Variants in MARCHF1 observed in about 807,000 individuals in gnomAD.
MARCHF1 encodes membrane associated ring-CH-type finger 1.
In MARCHF1, 40 loss-of-function variants were observed where a neutral mutation model predicts 54.2. The observed-to-expected ratio is 0.74, with a 90% CI of 0.57 to 0.96. The LOEUF (loss-of-function observed/expected upper bound fraction) is 0.96. MARCHF1 is among the 40% of genes least tolerant of loss of function. MARCHF1 has a pLI of 0.00. For missense variants in MARCHF1, 586 were observed against 656.5 expected, an observed-to-expected ratio of 0.89 and a Z score of 1.17; for synonymous variants, 236 against 236.3, an observed-to-expected ratio of 1.00 and a Z score of 0.01.
chr4:164,082,477 A>C (rs1755121377), intron 2 of MARCHF1, among the ~76,000 whole-genome samples: 1 of 152,232 alleles, frequency 6.6e-6, no homozygotes, highest in East Asian at 1.9e-4. Flanking sequence ...CTAGTTTACA[A>C]TTTAGAAGAT....
At chr4:163,755,621 C>T (rs1284872907) in intron 4 of MARCHF1, among the ~76,000 whole-genome samples, 2 of 144,484 alleles carry the variant, frequency 1.4e-5, no homozygotes, top group African/African-American at 2.6e-5. Flanking sequence ...GCAAAGATCC[C>T]TTTTTTTTTT....
intron 2 of MARCHF1, among the ~76,000 whole-genome samples, chr4:164,035,633 C>CCA (rs1753976521): frequency 6.9e-6 from 1 of 144,220 alleles, no homozygotes; most frequent in Non-Finnish European, 1.5e-5. Flanking sequence ...ATAAAGAATA[C>CCA]AAAAAAAAAA....
intron 2 of MARCHF1, among the ~76,000 whole-genome samples, chr4:164,003,877 G>A (rs1486541207): frequency 6.6e-6 from 1 of 152,056 alleles, no homozygotes; most frequent in Non-Finnish European, 1.5e-5. Flanking sequence ...CAAAAACATG[G>A]AATCAACCCA....
At chr4:164,248,224 G>T (rs1371080976) in intron 1 of MARCHF1, among the ~76,000 whole-genome samples, 2 of 151,912 alleles carry the variant, frequency 1.3e-5, no homozygotes, top group Non-Finnish European at 2.9e-5. Context: ...TTCTCGAGCT[G>T]GTTATGTGGT....
At chr4:163,902,435 C>T (rs186569895) in intron 3 of MARCHF1, among the ~76,000 whole-genome samples, 16 of 152,278 alleles carry the variant, frequency 1.1e-4, no homozygotes, top group African/African-American at 3.9e-4. Context: ...AATGGATCAA[C>T]CTGCAGACAT....
chr4:163,593,330 AG>A (rs2110855664), intron 7 of MARCHF1, among the ~76,000 whole-genome samples: 1 of 152,330 alleles, frequency 6.6e-6, no homozygotes, highest in African/African-American at 2.4e-5. Flanking sequence ...TACAGTTATT[AG>A]GCTAAATTTT....
At position 163,999,939 on chromosome 4, in the gene MARCHF1, C is replaced by CA. The variant is rs1227471901; in HGVS notation, c.-247-11231dup. On this transcript the variant is annotated intron_variant, in intron 2 of 9. Transcript: ENST00000514618. The stretch of plus-strand genomic sequence containing the variant: ...TGTCTGATACCAAAAAACTTAATAA[C>CA]AACATGTTAATAAAGAGTTCTGATG... Among the ~76,000 whole-genome samples the CA allele has an allele frequency of 2.0e-5, 3 of 151,690 alleles. No homozygotes were observed. The East Asian group carries it at 5.8e-4, about 29-fold the overall frequency.
chr4:164,300,037 C>T (rs1366453682), intron 1 of MARCHF1, among the ~76,000 whole-genome samples: 1 of 152,048 alleles, frequency 6.6e-6, no homozygotes, highest in Non-Finnish European at 1.5e-5. Context: ...ACAAAGAGCC[C>T]TGGGACCTGT....
chr4:164,166,677 G>T (rs561103084), intron 1 of MARCHF1, among the ~76,000 whole-genome samples: 90 of 151,828 alleles, frequency 5.9e-4, no homozygotes, highest in African/African-American at 1.9e-3. Context: ...GAAATAAAAA[G>T]CATTCAAATA....
rs145301162 is a variant in MARCHF1, at chr4:163,697,371, T to C, written c.162+3442A>G. ...CCAGATGTCAGCCAAGGGCTAATCTTGCCACAGGCTATTCTCAGGATAGGA... is the reference window on the plus strand; with the variant it reads ...CCAGATGTCAGCCAAGGGCTAATCTCGCCACAGGCTATTCTCAGGATAGGA... On this transcript the variant is annotated intron_variant, in intron 5 of 9. Coordinates refer to ENST00000514618, the MANE Select transcript of MARCHF1 (RefSeq NM_001394959.1). Among the ~76,000 whole-genome samples the C allele has an allele frequency of 9.2e-3, 1,408 of 152,278 alleles. 24 individuals carry two copies. Among genetic ancestry groups the C allele is most frequent in the African/African-American group, 0.032 (1,350 of 41,542 alleles).
intron 4 of MARCHF1, among the ~76,000 whole-genome samples, chr4:163,846,713 T>C (rs1749494471): frequency 6.6e-6 from 1 of 152,122 alleles, no homozygotes; most frequent in Non-Finnish European, 1.5e-5. Context: ...TCAGACTTGT[T>C]TGATCTTTAA....
rs550696896 is a variant in MARCHF1 at position 164,329,362 on chromosome 4, A to G, written c.-323+54508T>C. Among the ~76,000 whole-genome samples the G allele has an allele frequency of 2.6e-5, 4 of 152,320 alleles. No individual in the cohort carries two copies. The South Asian group carries it at 8.3e-4, about 32-fold the overall frequency. ...TCAATGTGCTCCACATTTCACCAGC[A>G]TGTGATTTAAAAATAAAAAGGGAGA... On this transcript the variant is annotated intron_variant, in intron 1 of 9. Coordinates refer to ENST00000514618, the MANE Select transcript of MARCHF1 (RefSeq NM_001394959.1).
intron 2 of MARCHF1, among the ~76,000 whole-genome samples, chr4:164,099,895 T>C (rs1401402229): frequency 6.6e-6 from 1 of 152,144 alleles, no homozygotes; most frequent in Non-Finnish European, 1.5e-5. Flanking sequence ...GTGATAATAA[T>C]TATGAACAAG....
intron 1 of MARCHF1, among the ~76,000 whole-genome samples, chr4:164,240,489 C>G (rs928155713): frequency 2.6e-5 from 4 of 152,074 alleles, no homozygotes; most frequent in Non-Finnish European, 5.9e-5. Flanking sequence ...ATTGTTACTC[C>G]CACCTGGCTG....
At chr4:164,346,642 AT>A (rs1730112267) in intron 1 of MARCHF1, among the ~76,000 whole-genome samples, 1 of 30,168 alleles carries the variant, frequency 3.3e-5, no homozygotes, top group Admixed American at 2.7e-4. Context: ...ATATATATAT[AT>A]ATATATATAT....
intron 4 of MARCHF1, among the ~76,000 whole-genome samples, chr4:163,735,347 T>A (rs139477910): frequency 1.1e-3 from 173 of 152,284 alleles, no homozygotes; most frequent in Non-Finnish European, 1.7e-3. Flanking sequence ...AACTTGTCTG[T>A]TTTGTCCAGT....
chr4:164,334,267 A>G (rs1729668494), intron 1 of MARCHF1, among the ~76,000 whole-genome samples: 2 of 152,200 alleles, frequency 1.3e-5, no homozygotes, highest in Admixed American at 1.3e-4. Context: ...AGTTTCATAG[A>G]TAGAGAGAGA....
intron 1 of MARCHF1, among the ~76,000 whole-genome samples, chr4:164,339,802 A>G (rs543910652): frequency 6.6e-6 from 1 of 152,248 alleles, no homozygotes; most frequent in Admixed American, 6.5e-5. Context: ...AAATAAACAA[A>G]ATCAACAAAC....
chr4:164,203,736 T>C (rs149855421), intron 1 of MARCHF1, among the ~76,000 whole-genome samples: 2 of 152,216 alleles, frequency 1.3e-5, no homozygotes, highest in Non-Finnish European at 2.9e-5. Context: ...ACTTTGAAAA[T>C]AGTAGAGATT....
Sources: gnomAD v4.1 joint callset for allele counts (sites outside exome capture counted in the v4.1 genomes callset) on GRCh38, gnomAD v4.1.1 for gene constraint, MANE v1.5 for transcripts, NCBI Gene and HGNC (gene_info 2026-07-23, HGNC 2026-07-21) for gene names.